Variants in COL23A1 observed in about 807,000 individuals in gnomAD.
COL23A1 encodes collagen type XXIII alpha 1 chain.
COL23A1 carries 97 observed loss-of-function variants against 99.3 expected under a neutral mutation model. The observed-to-expected ratio is 0.98, with a 90% confidence interval of 0.83 to 1.16. The LOEUF (loss-of-function observed/expected upper bound fraction) is 1.16. Ranked by LOEUF, COL23A1 falls within the 50% of genes most tolerant of loss-of-function variation. COL23A1 has a pLI of 0.00. For synonymous variants in COL23A1, 320 were observed against 308.2 expected (o/e 1.04, Z -0.40); for missense variants, 762 against 757.4 (o/e 1.01, Z -0.07).
chr5:178,274,869 A>G (rs1203938933), intron 5 of COL23A1, among the ~76,000 whole-genome samples: 1 of 152,210 alleles, frequency 6.6e-6, no homozygotes, highest in Non-Finnish European at 1.5e-5. Flanking sequence ...AAGCCCTTGA[A>G]TCCACCAGAG....
chr5:178,466,970 GA>G (rs1218781932), intron 2 of COL23A1, among the ~76,000 whole-genome samples: 1 of 152,230 alleles, frequency 6.6e-6, no homozygotes, highest in Non-Finnish European at 1.5e-5. Context: ...GTAAAATGGG[GA>G]TAATAGTCCC....
At chr5:178,268,654 G>C in intron 7 of COL23A1, 76 bp downstream of exon 7, 3 of 1,514,794 alleles carry the variant, frequency 2.0e-6, no homozygotes, top group Non-Finnish European at 2.7e-6. Context: ...GGGCACACTG[G>C]AACTGGCGTT....
At chr5:178,578,488 C>G (rs1051872414) in intron 1 of COL23A1, among the ~76,000 whole-genome samples, 1 of 152,206 alleles carries the variant, frequency 6.6e-6, no homozygotes, top group Non-Finnish European at 1.5e-5. Context: ...ATGAGCAGAT[C>G]CGGCATTTTT....
intron 3 of COL23A1, among the ~76,000 whole-genome samples, chr5:178,294,726 C>T (rs1757651835): frequency 1.3e-5 from 2 of 152,132 alleles, no homozygotes; most frequent in South Asian, 2.1e-4. Context: ...CCTTTCTAGC[C>T]TGGGAGAGGG....
intron 3 of COL23A1, among the ~76,000 whole-genome samples, chr5:178,292,072 G>A (rs1392270799): frequency 2.0e-5 from 3 of 152,150 alleles, no homozygotes; most frequent in African/African-American, 7.2e-5. Context: ...ATCTGTGCCT[G>A]TACCTGTGCC....
At chr5:178,533,220 A>G (rs532164142) in intron 2 of COL23A1, among the ~76,000 whole-genome samples, 1 of 152,188 alleles carries the variant, frequency 6.6e-6, no homozygotes, top group Non-Finnish European at 1.5e-5. Context: ...AAAATTTACC[A>G]TTTTAGCTAT....
At chr5:178,326,507 A>C (rs1387211398) in intron 2 of COL23A1, among the ~76,000 whole-genome samples, 1 of 151,888 alleles carries the variant, frequency 6.6e-6, no homozygotes, top group East Asian at 1.9e-4. Context: ...CGGCTCACAG[A>C]CATGACACCC....
At chr5:178,580,111 T>C (rs1763585483) in intron 1 of COL23A1, among the ~76,000 whole-genome samples, 2 of 152,216 alleles carry the variant, frequency 1.3e-5, no homozygotes, top group African/African-American at 4.8e-5. Context: ...GTGGATCACT[T>C]GAGATCAGGA....
chr5:178,506,846 T>C (rs920878770), intron 2 of COL23A1, among the ~76,000 whole-genome samples: 1 of 152,222 alleles, frequency 6.6e-6, no homozygotes, highest in African/African-American at 2.4e-5. Flanking sequence ...GTGGTTCTTT[T>C]TGTCTCTTTG....
intron 2 of COL23A1, among the ~76,000 whole-genome samples, chr5:178,486,693 G>A (rs1459381126): frequency 6.6e-6 from 1 of 152,156 alleles, no homozygotes; most frequent in Non-Finnish European, 1.5e-5. Flanking sequence ...AAGCTAAACA[G>A]CCAAAGAAAA....
rs371989581 is a variant in COL23A1 at position 178,522,675 on chromosome 5, T to C, written c.361+38007A>G. ...ACGGGGACAGTGGTGGAGGGCACGATAGACGCGCTGTCTGTGATCCTCCCA... is the reference window on the plus strand; with the variant it reads ...ACGGGGACAGTGGTGGAGGGCACGACAGACGCGCTGTCTGTGATCCTCCCA... On this transcript the variant is annotated intron_variant, in intron 2 of 28. Coordinates refer to ENST00000390654, the MANE Select transcript of COL23A1 (RefSeq NM_173465.4). Among the ~76,000 whole-genome samples, 46 of 152,242 alleles carry C rather than the reference T, an allele frequency of 3.0e-4. 1 individual carries two copies. In the East Asian group the frequency reaches 6.4e-3, roughly 21 times the overall value.
chr5:178,560,754 C>G lies in COL23A1; in HGVS notation c.295-6G>C, dbSNP rs1302327733. 1.2e-6 allele frequency: 2 copies of G among 1,600,476 alleles called. No homozygotes were observed. The highest frequency in any genetic ancestry group is 3.5e-5 in the Admixed American group (2 of 57,186). ...TTCGCTAGTCCGTCCAACTTCTGAGCCGGAAAAAAAAAAAGAAAAAAAACG... is the reference window on the plus strand; with the variant it reads ...TTCGCTAGTCCGTCCAACTTCTGAGGCGGAAAAAAAAAAAGAAAAAAAACG... On this transcript the variant is annotated splice_region_variant and splice_polypyrimidine_tract_variant and intron_variant, in intron 1 of 28. Coordinates refer to ENST00000390654, the MANE Select transcript of COL23A1 (RefSeq NM_173465.4).
At chr5:178,253,633 C>T (rs1581456667) in intron 16 of COL23A1, among the ~76,000 whole-genome samples, 1 of 151,876 alleles carries the variant, frequency 6.6e-6, no homozygotes, top group African/African-American at 2.4e-5. Context: ...CAGGCGCGCA[C>T]CACCATGCCC....
At chr5:178,462,602 A>G (rs566754374) in intron 2 of COL23A1, among the ~76,000 whole-genome samples, 35 of 152,210 alleles carry the variant, frequency 2.3e-4, no homozygotes, top group Admixed American at 9.8e-4. Flanking sequence ...TCCTCCATCC[A>G]TAACAGCTGA....
In COL23A1 at chr5:178,346,482, C is replaced by T. The variant is rs188365919; in HGVS notation, c.362-39563G>A. The stretch of plus-strand genomic sequence containing the variant: ...AATTCCTGACCTCAGGTGATCCACC[C>T]GCCTTGGTCTCCCAAAGTGCTGGGA... On this transcript the variant is annotated intron_variant, in intron 2 of 28. Coordinates refer to ENST00000390654, the MANE Select transcript of COL23A1 (RefSeq NM_173465.4). 3.7e-3 allele frequency among the ~76,000 whole-genome samples: 562 copies of T among 152,230 alleles called. 6 individuals are homozygous for T. Among genetic ancestry groups the T allele is most frequent in the African/African-American group, 0.013 (527 of 41,512 alleles).
chr5:178,413,272 A>C (rs900636023), intron 2 of COL23A1, among the ~76,000 whole-genome samples: 4 of 152,224 alleles, frequency 2.6e-5, no homozygotes, highest in African/African-American at 9.6e-5. Flanking sequence ...GCTTTTGGAT[A>C]ATTTGCAGAT....
intron 2 of COL23A1, among the ~76,000 whole-genome samples, chr5:178,375,863 A>G (rs1044431235): frequency 6.6e-6 from 1 of 152,128 alleles, no homozygotes; most frequent in Non-Finnish European, 1.5e-5. Flanking sequence ...GCCTGCCACC[A>G]TGTCTGGCTA....
chr5:178,442,550 G>A (rs533345788), intron 2 of COL23A1, among the ~76,000 whole-genome samples: 13 of 152,242 alleles, frequency 8.5e-5, no homozygotes, highest in South Asian at 2.1e-4. Context: ...TCTGCCATTC[G>A]GGGAGCACCA....
intron 8 of COL23A1, among the ~76,000 whole-genome samples, 163 bp downstream of exon 8, chr5:178,267,144 T>A (rs1388020063): frequency 6.6e-6 from 1 of 152,062 alleles, no homozygotes; most frequent in Non-Finnish European, 1.5e-5. Context: ...ACAACCCAGG[T>A]CCCTGGGGGC....
Sources: allele counts gnomAD v4.1 joint callset (sites outside exome capture counted in the v4.1 genomes callset), GRCh38; gene constraint gnomAD v4.1.1; transcripts MANE v1.5; gene names NCBI Gene and HGNC (gene_info 2026-07-23, HGNC 2026-07-21).